The following PTPRK variants were observed in gnomAD, a reference collection of about 807,000 sequenced individuals.
PTPRK encodes protein tyrosine phosphatase receptor type K, also known as receptor-type tyrosine-protein phosphatase kappa.
In PTPRK, 75 loss-of-function variants were observed where a neutral mutation model predicts 178.0. The observed-to-expected ratio is 0.42, with a 90% CI of 0.35 to 0.51. The LOEUF (loss-of-function observed/expected upper bound fraction) is 0.51. Among genes scored for constraint, PTPRK ranks in the 20% least tolerant of loss-of-function variants. PTPRK has a pLI of 0.02. For missense variants in PTPRK, 1,441 were observed against 1,797.8 expected, an observed-to-expected ratio of 0.80 and a Z score of 3.59; for synonymous variants, 637 against 620.6, an observed-to-expected ratio of 1.03 and a Z score of -0.39.
intron 1 of PTPRK, among the ~76,000 whole-genome samples, chr6:128,421,445 GT>G (rs1248745511): frequency 2.6e-5 from 4 of 152,080 alleles, no homozygotes; most frequent in Non-Finnish European, 4.4e-5. Flanking sequence ...AGAATGGGGA[GT>G]TTTTTTAAAA....
intron 2 of PTPRK, among the ~76,000 whole-genome samples, chr6:128,383,399 C>A (rs929022501): frequency 6.6e-6 from 1 of 152,156 alleles, no homozygotes; most frequent in Admixed American, 6.5e-5. Context: ...CTCAGACAAT[C>A]CTCTTGACCA....
chr6:128,116,765 T>G (rs1791590045), intron 7 of PTPRK, among the ~76,000 whole-genome samples: 4 of 152,200 alleles, frequency 2.6e-5, no homozygotes, highest in Admixed American at 2.6e-4. Flanking sequence ...AAAATGCAGG[T>G]AGAGAAAAGA....
At chr6:128,359,189 G>A (rs1488879573) in intron 2 of PTPRK, among the ~76,000 whole-genome samples, 1 of 151,644 alleles carries the variant, frequency 6.6e-6, no homozygotes, top group Admixed American at 6.6e-5. Context: ...GGTGGCTCAC[G>A]CCTGTAATCC....
At position 128,506,644 on chromosome 6, in the gene PTPRK, A is replaced by C. The variant is rs541459489; in HGVS notation, c.100+13615T>G. On this transcript the variant is annotated intron_variant, in intron 1 of 29. Coordinates refer to ENST00000368226, the MANE Select transcript of PTPRK (RefSeq NM_002844.4). The stretch of plus-strand genomic sequence containing the variant: ...CACTGCATTCCAGTCTGGTTGACAG[A>C]GTAAAACTCTGTCTCAAAAAAAAAA... Among the ~76,000 whole-genome samples the C allele has an allele frequency of 1.8e-4, 26 of 142,124 alleles. No individual in the cohort carries two copies. In the South Asian group the frequency reaches 5.6e-3, roughly 31 times the overall value. 93.2% of individuals were successfully genotyped at this position (142,124 alleles called of 152,430 possible). A position where few individuals can be genotyped will look rare whatever the true frequency, so the allele number is the denominator to read the frequency against.
intron 3 of PTPRK, among the ~76,000 whole-genome samples, chr6:128,310,783 A>C (rs1235839637): frequency 6.6e-6 from 1 of 152,132 alleles, no homozygotes; most frequent in Non-Finnish European, 1.5e-5. Context: ...ACAGCAACCC[A>C]CTTTATTCTC....
At chr6:128,347,718 G>C (rs750051841) in intron 2 of PTPRK, among the ~76,000 whole-genome samples, 4 of 152,022 alleles carry the variant, frequency 2.6e-5, no homozygotes, top group Non-Finnish European at 5.9e-5. Context: ...TTTTAAAAGA[G>C]AGAAATACAT....
intron 2 of PTPRK, among the ~76,000 whole-genome samples, chr6:128,387,355 T>C (rs890977914): frequency 1.3e-5 from 2 of 152,192 alleles, no homozygotes; most frequent in Non-Finnish European, 2.9e-5. Context: ...GCAACACAAA[T>C]GATACTCATA....
chr6:128,080,354 A>G (rs1410125060), intron 10 of PTPRK, among the ~76,000 whole-genome samples: 1 of 152,046 alleles, frequency 6.6e-6, no homozygotes, highest in Non-Finnish European at 1.5e-5. Context: ...TGATTATAAG[A>G]TACAAGATTG....
intron 1 of PTPRK, among the ~76,000 whole-genome samples, chr6:128,510,180 A>T (rs1344071972): frequency 6.6e-6 from 1 of 152,204 alleles, no homozygotes; most frequent in East Asian, 1.9e-4. Context: ...CCTATGTGCC[A>T]GGCCAGCTGC....
intron 7 of PTPRK, among the ~76,000 whole-genome samples, chr6:128,158,078 T>C (rs1798185665): frequency 6.6e-6 from 1 of 151,998 alleles, no homozygotes; most frequent in Admixed American, 6.6e-5. Flanking sequence ...AGGTCTAACA[T>C]TTAAGTCTTT....
At chr6:127,988,201 G>A (rs185718819) in intron 21 of PTPRK, among the ~76,000 whole-genome samples, 1 of 151,952 alleles carries the variant, frequency 6.6e-6, no homozygotes, top group African/African-American at 2.4e-5. Flanking sequence ...GGAAGAGGGG[G>A]AAGAGAGGAA....
At chr6:128,215,453 T>G (rs969336962) in intron 6 of PTPRK, among the ~76,000 whole-genome samples, 1 of 152,240 alleles carries the variant, frequency 6.6e-6, no homozygotes, top group Non-Finnish European at 1.5e-5. Context: ...CAAAAATATC[T>G]GCTCTGCATC....
In PTPRK at chr6:128,520,523, G is replaced by A; in HGVS notation, c.-165C>T. On this transcript the variant is annotated 5_prime_UTR_variant, in exon 1 of 30. Transcript: ENST00000368226. ...CTTCGCGGTCGCCAAACTACCTCAG[G>A]GGCGAAAGCGTCGCCAGCGTCGCCG... 1.6e-6 allele frequency: 1 copy of A among 620,322 alleles called. No individual in the cohort carries two copies. The highest frequency in any genetic ancestry group is 2.8e-6 in the Non-Finnish European group (1 of 353,888). The allele number at this position is 620,322 out of a possible 1,614,324, so 38.4% of individuals were successfully genotyped here.
intron 3 of PTPRK, among the ~76,000 whole-genome samples, chr6:128,244,778 TG>T (rs1815150091): frequency 1.3e-5 from 2 of 152,060 alleles, no homozygotes; most frequent in Non-Finnish European, 2.9e-5. Context: ...CAGGAGGAGG[TG>T]AAAACTGTGA....
At chr6:128,490,265 AGTTAATTC>A (rs1463276184) in intron 1 of PTPRK, among the ~76,000 whole-genome samples, 1 of 152,206 alleles carries the variant, frequency 6.6e-6, no homozygotes, top group Non-Finnish European at 1.5e-5. Context: ...TTATTTGAAA[AGTTAATTC>A]GTGACAAGAA....
intron 25 of PTPRK, among the ~76,000 whole-genome samples, chr6:127,979,288 A>C (rs922249697): frequency 1.3e-5 from 2 of 152,180 alleles, no homozygotes; most frequent in African/African-American, 4.8e-5. Context: ...AAGAAAAAGA[A>C]AAAAGAAAAG....
intron 13 of PTPRK, among the ~76,000 whole-genome samples, chr6:128,031,804 T>A (rs1775382714): frequency 6.6e-6 from 1 of 151,892 alleles, no homozygotes; most frequent in Non-Finnish European, 1.5e-5. Context: ...AAAAGTTAAG[T>A]GACAAAGACA....
intron 1 of PTPRK, among the ~76,000 whole-genome samples, chr6:128,472,418 A>ACT (rs1491395661): frequency 1.1e-5 from 1 of 94,202 alleles, no homozygotes; most frequent in Admixed American, 1.0e-4. Context: ...TGAATTTTTG[A>ACT]CACCCCCCCC....
chr6:128,452,951 C>G (rs960197033), intron 1 of PTPRK, among the ~76,000 whole-genome samples: 17 of 152,138 alleles, frequency 1.1e-4, no homozygotes, highest in African/African-American at 3.6e-4. Context: ...ACTTTGGTTC[C>G]AACTTCACTG....
Sources: gnomAD v4.1 joint callset for allele counts (sites outside exome capture counted in the v4.1 genomes callset) on GRCh38, gnomAD v4.1.1 for gene constraint, MANE v1.5 for transcripts, NCBI Gene and HGNC (gene_info 2026-07-23, HGNC 2026-07-21) for gene names.